Variants in PTPRZ1 observed in about 807,000 individuals in gnomAD.
PTPRZ1 encodes the protein receptor-type tyrosine-protein phosphatase zeta.
Under a neutral mutation model 214.1 loss-of-function variants are expected in PTPRZ1, and 82 were observed. The observed-to-expected ratio is 0.38, with a 90% CI of 0.32 to 0.46. The LOEUF is 0.46. PTPRZ1 is among the 20% of genes least tolerant of loss of function. The pLI, the probability that PTPRZ1 is intolerant of heterozygous loss-of-function variation, is 1.00. For missense variants in PTPRZ1, 2,603 were observed against 2,748.7 expected (o/e 0.95, Z 1.19); for synonymous variants, 945 against 987.9 (o/e 0.96, Z 0.81).
intron 27 of PTPRZ1, among the ~76,000 whole-genome samples, chr7:122,057,351 A>ATCTTGTTG (rs1792386414): frequency 1.3e-5 from 2 of 151,914 alleles, no homozygotes; most frequent in Non-Finnish European, 2.9e-5. Flanking sequence ...GAAGTTTTCA[A>ATCTTGTTG]CATAACTTTA....
At chr7:121,961,872 A>G (rs1284273552) in intron 2 of PTPRZ1, among the ~76,000 whole-genome samples, 1 of 152,222 alleles carries the variant, frequency 6.6e-6, no homozygotes, top group Non-Finnish European at 1.5e-5. Context: ...AGTGGATGAA[A>G]GCATGGATAA....
intron 11 of PTPRZ1, among the ~76,000 whole-genome samples, chr7:122,005,712 G>T (rs1415917910): frequency 1.3e-5 from 2 of 151,918 alleles, no homozygotes; most frequent in Non-Finnish European, 2.9e-5. Flanking sequence ...AATTATATTT[G>T]TGCTGAGTTG....
chr7:122,019,777 T>C (rs1798961259), intron 13 of PTPRZ1, among the ~76,000 whole-genome samples: 2 of 152,178 alleles, frequency 1.3e-5, no homozygotes, highest in Admixed American at 1.3e-4. Flanking sequence ...TATCTTAAGA[T>C]GCACAGGCAT....
At chr7:121,985,682 T>C (rs1797745215) in intron 8 of PTPRZ1, among the ~76,000 whole-genome samples, 1 of 152,232 alleles carries the variant, frequency 6.6e-6, no homozygotes, top group South Asian at 2.1e-4. Flanking sequence ...AGGCCATCTC[T>C]GACTCTGCTT....
chr7:121,957,530 A>T (rs1183367973), intron 2 of PTPRZ1, among the ~76,000 whole-genome samples: 2 of 151,792 alleles, frequency 1.3e-5, no homozygotes, highest in Non-Finnish European at 2.9e-5. Context: ...TTTATTCTTC[A>T]CTATTTCCTC....
intron 10 of PTPRZ1, among the ~76,000 whole-genome samples, chr7:122,003,166 G>A (rs1216415693): frequency 2.0e-5 from 3 of 152,138 alleles, no homozygotes; most frequent in African/African-American, 7.2e-5. Flanking sequence ...CAGACAGTGA[G>A]GAAAGGATTT....
rs745782479 is a variant in PTPRZ1 at position 121,998,018 on chromosome 7, C to CAG, written c.1240+14_1240+15dup. On this transcript the variant is annotated intron_variant, in intron 10 of 29. Coordinates refer to ENST00000393386, the MANE Select transcript of PTPRZ1 (RefSeq NM_002851.3). Reference sequence around the variant, plus strand: ...TACTGATAATCCTGGTAAGTGCCACCAGATACATCTATATATTAACTCAAT... The same window carrying CAG: ...TACTGATAATCCTGGTAAGTGCCACCAGAGATACATCTATATATTAACTCAAT... 2.5e-6 allele frequency: 4 copies of CAG among 1,610,046 alleles called. No homozygotes were observed. In the Admixed American group the frequency reaches 6.7e-5, roughly 27 times the overall value.
chr7:122,038,908 ATGTCACCCCC>A lies in PTPRZ1; in HGVS notation c.5502+20_5502+29del. 1 of 1,611,998 alleles carries A rather than the reference ATGTCACCCCC, an allele frequency of 6.2e-7. No individual in the cohort carries two copies. The highest frequency in any genetic ancestry group is 1.3e-5 in the African/African-American group (1 of 75,016). On this transcript the variant is annotated intron_variant, in intron 19 of 29. Coordinates refer to ENST00000393386, the MANE Select transcript of PTPRZ1 (RefSeq NM_002851.3). Reference sequence around the variant, plus strand: ...AGGAAGGGTATGTAGATAATCTGTTATGTCACCCCCAAAAAAGTAATTAGAGGTACTTTAA... The same window carrying A: ...AGGAAGGGTATGTAGATAATCTGTTAAAAAAAGTAATTAGAGGTACTTTAA...
intron 23 of PTPRZ1, 69 bp from the exon 24 acceptor site, chr7:122,051,341 GTGTGTGTGTCTGTATGTA>G: frequency 1.2e-6 from 1 of 816,824 alleles, no homozygotes; most frequent in Non-Finnish European, 2.0e-6. Context: ...ATTGGTGTGT[GTGTGTGTGTCTGTATGTA>G]TGTGTGTGTG....
At chr7:121,967,849 A>C (rs1797089348) in intron 2 of PTPRZ1, 102 bp from the exon 3 acceptor site, 2 of 786,132 alleles carry the variant, frequency 2.5e-6, no homozygotes, top group African/African-American at 1.8e-5. Flanking sequence ...ACATTTTTCT[A>C]CTATTGCATC....
At chr7:122,005,898 A>G (rs934687098) in intron 11 of PTPRZ1, among the ~76,000 whole-genome samples, 1 of 152,046 alleles carries the variant, frequency 6.6e-6, no homozygotes, top group Admixed American at 6.6e-5. Context: ...TCCCATTACC[A>G]TGATTCACGA....
intron 1 of PTPRZ1, among the ~76,000 whole-genome samples, chr7:121,890,741 C>T (rs185579990): frequency 6.6e-6 from 1 of 152,232 alleles, no homozygotes; most frequent in East Asian, 1.9e-4. Context: ...ATGATCAGAG[C>T]TCACTGTAGC....
At chr7:121,993,582 A>AC (rs1444938920) in intron 8 of PTPRZ1, among the ~76,000 whole-genome samples, 1 of 151,334 alleles carries the variant, frequency 6.6e-6, no homozygotes, top group African/African-American at 2.4e-5. Context: ...CAAAAAAAAA[A>AC]AAAAAAAAAA....
At chr7:121,937,588 C>T (rs1008469017) in intron 2 of PTPRZ1, among the ~76,000 whole-genome samples, 46 of 152,048 alleles carry the variant, frequency 3.0e-4, no homozygotes, top group African/African-American at 9.7e-4. Context: ...GTTCAGCAGC[C>T]GAGGTGCATG....
chr7:122,023,630 G>A (rs1231286323), intron 13 of PTPRZ1, among the ~76,000 whole-genome samples: 1 of 120,370 alleles, frequency 8.3e-6, no homozygotes, highest in Non-Finnish European at 1.6e-5. Context: ...TATATTATAT[G>A]TATAATTTTA....
At chr7:121,919,827 TA>T (rs1795538741) in intron 1 of PTPRZ1, among the ~76,000 whole-genome samples, 5 of 148,692 alleles carry the variant, frequency 3.4e-5, no homozygotes, top group Non-Finnish European at 7.4e-5. Context: ...TTCATTTTTT[TA>T]GTAATTGATT....
At chr7:122,056,581 G>A (rs537002474) in intron 27 of PTPRZ1, among the ~76,000 whole-genome samples, 2 of 151,540 alleles carry the variant, frequency 1.3e-5, no homozygotes, top group African/African-American at 2.4e-5. Context: ...AAAAGCTAGG[G>A]GCCTTTTATT....
chr7:121,923,745 G>C (rs1795671288), intron 1 of PTPRZ1, among the ~76,000 whole-genome samples: 1 of 151,842 alleles, frequency 6.6e-6, no homozygotes, highest in Non-Finnish European at 1.5e-5. Context: ...CCTTGATAGG[G>C]AGTTATCAAG....
In PTPRZ1 at chr7:122,044,420, A is replaced by G; in HGVS notation, c.5938-2A>G. 6.2e-7 allele frequency: 1 copy of G among 1,613,616 alleles called. No individual in the cohort carries two copies. The highest frequency in any genetic ancestry group is 8.5e-7 in the Non-Finnish European group (1 of 1,179,648). ...TGTTGCTTATTGTCATTGTTTTGCC[A>G]GGAGCAATATGTCTTCATTCATGAT... On this transcript the variant is annotated splice_acceptor_variant, in intron 22 of 29. Transcript: ENST00000393386. LOFTEE classifies it high-confidence loss of function.
Sources: allele counts gnomAD v4.1 joint callset (sites outside exome capture counted in the v4.1 genomes callset), GRCh38; gene constraint gnomAD v4.1.1; transcripts MANE v1.5; gene names NCBI Gene and HGNC (gene_info 2026-07-23, HGNC 2026-07-21).